The following GOPC variants were observed in gnomAD, a reference collection of about 807,000 sequenced individuals.
GOPC encodes Golgi-associated PDZ and coiled-coil motif-containing protein.
In GOPC, 32 loss-of-function variants were observed where a neutral mutation model predicts 51.2. That is an observed-to-expected ratio of 0.63 (90% CI 0.47 to 0.84). GOPC has a LOEUF of 0.84. GOPC is among the 40% of genes least tolerant of loss of function. GOPC has a pLI of 0.00. For missense variants in GOPC, 441 were observed against 555.5 expected, an observed-to-expected ratio of 0.79 and a Z score of 2.07; for synonymous variants, 190 against 205.1, an observed-to-expected ratio of 0.93 and a Z score of 0.63.
In GOPC at chr6:117,586,032, TA is replaced by T. The variant is rs544313523; in HGVS notation, c.286-6969del. ...ATAATTGCTTCTACACCTTTTGTTT[TA>T]AAGTTTGTGTACAAAAAGTAATCAC... On this transcript the variant is annotated intron_variant, in intron 1 of 8. Transcript: ENST00000368498. Among the ~76,000 whole-genome samples the T allele has an allele frequency of 2.4e-4, 36 of 152,372 alleles. 1 individual carries two copies. The East Asian group carries it at 6.7e-3, about 29-fold the overall frequency.
chr6:117,588,117 G>C (rs1780059912), intron 1 of GOPC, among the ~76,000 whole-genome samples: 1 of 152,050 alleles, frequency 6.6e-6, no homozygotes. Context: ...CTAGTCTAAA[G>C]TGATGCTCTC....
chr6:117,565,156 C>G (rs536890618), intron 8 of GOPC, among the ~76,000 whole-genome samples: 2 of 152,234 alleles, frequency 1.3e-5, no homozygotes, highest in East Asian at 3.9e-4. Flanking sequence ...TGACAAATAA[C>G]TCTATGTTCC....
At chr6:117,597,362 T>A (rs981546971) in intron 1 of GOPC, among the ~76,000 whole-genome samples, 1 of 152,198 alleles carries the variant, frequency 6.6e-6, no homozygotes, top group African/African-American at 2.4e-5. Context: ...CTTTAACCAT[T>A]TGGATGTCCT....
At position 117,560,771 on chromosome 6, in the gene GOPC, CATTTT is replaced by C. The variant is rs1779569849; in HGVS notation, c.*2478_*2482del. 4.8e-6 allele frequency: 1 copy of C among 209,500 alleles called. No homozygotes were observed. Among genetic ancestry groups the C allele is most frequent in the African/African-American group, 2.3e-5 (1 of 44,064 alleles). 13.0% of individuals were successfully genotyped at this position (209,500 alleles called of 1,614,324 possible). ...TATACACGCACACATACAACCCTCA[CATTTT>C]ATTAAAACGTTTTCTCAACCATTCT... On this transcript the variant is annotated 3_prime_UTR_variant, in exon 9 of 9. Transcript: ENST00000368498.
intron 7 of GOPC, 128 bp downstream of exon 7, chr6:117,569,444 A>C: frequency 7.9e-7 from 1 of 1,263,758 alleles, no homozygotes. Flanking sequence ...AAAAGCATTA[A>C]ATCAAAGGAA....
rs2114595084 is a variant in GOPC, at chr6:117,561,362, A to T, written c.*1892T>A. Reference sequence around the variant, plus strand: ...AGGATTCAGTCATAGCAGATAAAGGATGTTCTCTGAAAAAAATGCCATGGC... The same window carrying T: ...AGGATTCAGTCATAGCAGATAAAGGTTGTTCTCTGAAAAAAATGCCATGGC... On this transcript the variant is annotated 3_prime_UTR_variant, in exon 9 of 9. Coordinates refer to ENST00000368498, the MANE Select transcript of GOPC (RefSeq NM_020399.4). 4.4e-6 allele frequency: 1 copy of T among 224,848 alleles called. No individual in the cohort carries two copies. Among genetic ancestry groups the T allele is most frequent in the South Asian group, 1.8e-4 (1 of 5,454 alleles). 13.9% of individuals were successfully genotyped at this position (224,848 alleles called of 1,614,324 possible).
At chr6:117,564,988 T>TA (rs1437649007) in intron 8 of GOPC, among the ~76,000 whole-genome samples, 1 of 152,196 alleles carries the variant, frequency 6.6e-6, no homozygotes, top group Non-Finnish European at 1.5e-5. Flanking sequence ...GCCTTTATAC[T>TA]AAGCATTGAG....
intron 3 of GOPC, among the ~76,000 whole-genome samples, chr6:117,577,045 GAAA>G (rs1263381214): frequency 6.6e-6 from 1 of 151,940 alleles, no homozygotes; most frequent in African/African-American, 2.4e-5. Flanking sequence ...AGATGAAGAA[GAAA>G]CCAACATGCA....
chr6:117,572,930 T>G (rs1230243233), intron 5 of GOPC, among the ~76,000 whole-genome samples: 1 of 152,246 alleles, frequency 6.6e-6, no homozygotes, highest in Non-Finnish European at 1.5e-5. Context: ...GCAGCTGTTA[T>G]GATAAAATTC....
chr6:117,583,717 T>C (rs1779992607), intron 1 of GOPC, among the ~76,000 whole-genome samples: 1 of 152,212 alleles, frequency 6.6e-6, no homozygotes, highest in East Asian at 1.9e-4. Flanking sequence ...TGTGACATTA[T>C]ATCCTAATTT....
chr6:117,579,608 C>A (rs1779930221), intron 1 of GOPC, among the ~76,000 whole-genome samples: 2 of 152,110 alleles, frequency 1.3e-5, no homozygotes, highest in Admixed American at 6.6e-5. Context: ...AACTGTAAGT[C>A]TTCAGCTTTA....
chr6:117,600,896 G>A (rs934160736), intron 1 of GOPC, among the ~76,000 whole-genome samples: 1 of 152,186 alleles, frequency 6.6e-6, no homozygotes, highest in African/African-American at 2.4e-5. Context: ...TCTTGGATAT[G>A]TAAATCTATG....
intron 1 of GOPC, among the ~76,000 whole-genome samples, chr6:117,590,734 A>G (rs1780104531): frequency 6.6e-6 from 1 of 152,188 alleles, no homozygotes; most frequent in Non-Finnish European, 1.5e-5. Context: ...ATCTGCTAAT[A>G]CAGGGAGTGG....
chr6:117,583,768 T>C (rs1282687747), intron 1 of GOPC, among the ~76,000 whole-genome samples: 1 of 152,176 alleles, frequency 6.6e-6, no homozygotes, highest in East Asian at 1.9e-4. Flanking sequence ...TTTAAGGTAT[T>C]ATCCCTTCTA....
In GOPC at chr6:117,578,608, T is replaced by C. The variant is rs573417915; in HGVS notation, c.450+292A>G. On this transcript the variant is annotated intron_variant, in intron 2 of 8. Transcript: ENST00000368498. ...ATGCAACTGAATTTAATCCAACTGA[T>C]ACAGTAGGGCAAAAAAAAATCTTAT... Among the ~76,000 whole-genome samples, 3 of 152,026 alleles carry C rather than the reference T, an allele frequency of 2.0e-5. No individual in the cohort carries two copies. The East Asian group carries it at 5.8e-4, about 29-fold the overall frequency.
At chr6:117,592,974 T>C (rs568298512) in intron 1 of GOPC, among the ~76,000 whole-genome samples, 2 of 152,324 alleles carry the variant, frequency 1.3e-5, no homozygotes, top group Non-Finnish European at 2.9e-5. Context: ...CAAACTCCTT[T>C]GCTATAACAT....
At chr6:117,581,582 C>A (rs1168485489) in intron 1 of GOPC, among the ~76,000 whole-genome samples, 1 of 152,064 alleles carries the variant, frequency 6.6e-6, no homozygotes, top group Non-Finnish European at 1.5e-5. Context: ...CTTCTAACAC[C>A]ATAAATAGTT....
rs1475310797 is a variant in GOPC at position 117,593,938 on chromosome 6, C to T, written c.285+8066G>A. Among the ~76,000 whole-genome samples, 3 of 152,136 alleles carry T rather than the reference C, an allele frequency of 2.0e-5. No individual in the cohort carries two copies. In the East Asian group the frequency reaches 5.8e-4, roughly 29 times the overall value. ...CCTACCTCTATTATCTTACTCCACA[C>T]TATCATAATCTCACATAAACAGAAA... is the stretch of plus-strand genomic sequence containing the variant. On this transcript the variant is annotated intron_variant, in intron 1 of 8. Transcript: ENST00000368498.
chr6:117,589,243 G>C (rs563788135), intron 1 of GOPC, among the ~76,000 whole-genome samples: 3 of 152,216 alleles, frequency 2.0e-5, no homozygotes, highest in Non-Finnish European at 4.4e-5. Context: ...GTCAGATCAT[G>C]CAGAGCCTGT....
Sources: gnomAD v4.1 joint callset for allele counts (sites outside exome capture counted in the v4.1 genomes callset) on GRCh38, gnomAD v4.1.1 for gene constraint, MANE v1.5 for transcripts, NCBI Gene and HGNC (gene_info 2026-07-23, HGNC 2026-07-21) for gene names.